Variants in DISC1 observed in about 807,000 individuals in gnomAD.
DISC1 encodes disrupted in schizophrenia 1 protein.
Under a neutral mutation model 84.5 loss-of-function variants are expected in DISC1, and 57 were observed. The observed-to-expected ratio is 0.67, with a 90% CI of 0.55 to 0.84. The LOEUF is 0.84. Among genes scored for constraint, DISC1 ranks in the 40% least tolerant of loss-of-function variants. The pLI, the probability that DISC1 is intolerant of heterozygous loss-of-function variation, is 0.00. For synonymous variants in DISC1, 411 were observed against 415.2 expected, an observed-to-expected ratio of 0.99 and a Z score of 0.12; for missense variants, 1,000 against 1,057.8, an observed-to-expected ratio of 0.95 and a Z score of 0.76.
At chr1:231,745,403 G>T (rs1056396980) in intron 3 of DISC1, 1 of 161,904 alleles carries the variant, frequency 6.2e-6, no homozygotes, top group Admixed American at 6.4e-5. Flanking sequence ...TGTATTTTTA[G>T]TAGAGACGGG....
chr1:231,855,801 G>A (rs1017393618), intron 9 of DISC1, among the ~76,000 whole-genome samples: 1 of 152,096 alleles, frequency 6.6e-6, no homozygotes, highest in Non-Finnish European at 1.5e-5. Context: ...TTGATTCAAA[G>A]TCTGAAAAAA....
intron 3 of DISC1, among the ~76,000 whole-genome samples, chr1:231,737,071 A>ATGAGCAT (rs2072609256): frequency 6.6e-6 from 1 of 152,252 alleles, no homozygotes; most frequent in South Asian, 2.1e-4. Flanking sequence ...AGAATAACAG[A>ATGAGCAT]TGAGCATTGA....
chr1:231,645,518 T>C (rs755147783), intron 1 of DISC1, among the ~76,000 whole-genome samples: 1 of 151,482 alleles, frequency 6.6e-6, no homozygotes, highest in Non-Finnish European at 1.5e-5. Context: ...TTTTTTTTTG[T>C]CTTTTAAAAA....
In DISC1 at chr1:231,773,538, G is replaced by C. The variant is rs1332746629; in HGVS notation, c.1634+2468G>C. On this transcript the variant is annotated intron_variant, in intron 6 of 12. Coordinates refer to ENST00000439617, the MANE Select transcript of DISC1 (RefSeq NM_018662.3). ...TAGCTGGGACTACAGGCTTGTGCCAGCACACCCAGCTAATTTTTTGTATTT... is the reference window on the plus strand; with the variant it reads ...TAGCTGGGACTACAGGCTTGTGCCACCACACCCAGCTAATTTTTTGTATTT... 1.3e-4 allele frequency among the ~76,000 whole-genome samples: 19 copies of C among 151,980 alleles called. No homozygotes were observed. In the East Asian group the frequency reaches 2.6e-3, roughly 21 times the overall value.
At chr1:231,762,808 G>A (rs2075867861) in intron 4 of DISC1, among the ~76,000 whole-genome samples, 1 of 152,114 alleles carries the variant, frequency 6.6e-6, no homozygotes, top group East Asian at 1.9e-4. Flanking sequence ...GGTGGGGTCT[G>A]TATACAGGAG....
At chr1:231,992,806 A>C (rs147467414) in intron 10 of DISC1, among the ~76,000 whole-genome samples, 3 of 152,348 alleles carry the variant, frequency 2.0e-5, no homozygotes, top group Admixed American at 2.0e-4. Context: ...TTCTCATTGT[A>C]GGAGTCCTTT....
At chr1:231,881,835 A>G (rs1047170510) in intron 9 of DISC1, among the ~76,000 whole-genome samples, 3 of 152,244 alleles carry the variant, frequency 2.0e-5, no homozygotes, top group Non-Finnish European at 4.4e-5. Context: ...GAACATGACA[A>G]TAATCATCAC....
At chr1:231,668,544 C>T (rs766401870) in intron 1 of DISC1, among the ~76,000 whole-genome samples, 1 of 152,170 alleles carries the variant, frequency 6.6e-6, no homozygotes, top group South Asian at 2.1e-4. Flanking sequence ...CATTGACTCA[C>T]GTTCTCCTGC....
At chr1:231,911,957 A>G (rs966649661) in intron 9 of DISC1, among the ~76,000 whole-genome samples, 1 of 152,074 alleles carries the variant, frequency 6.6e-6, no homozygotes, top group Admixed American at 6.5e-5. Context: ...CTTCCACTTG[A>G]TCGAATCAGC....
intron 6 of DISC1, among the ~76,000 whole-genome samples, chr1:231,786,773 C>T (rs141654845): frequency 6.6e-6 from 1 of 152,118 alleles, no homozygotes; most frequent in African/African-American, 2.4e-5. Flanking sequence ...AATATCTACA[C>T]CCTTCAAGGT....
At chr1:231,727,137 C>G (rs1212431184) in intron 3 of DISC1, among the ~76,000 whole-genome samples, 1 of 152,104 alleles carries the variant, frequency 6.6e-6, no homozygotes, top group African/African-American at 2.4e-5. Flanking sequence ...GAACATAGCA[C>G]ATGATTATCC....
At chr1:231,748,457 G>T (rs2074251803) in intron 3 of DISC1, among the ~76,000 whole-genome samples, 1 of 152,142 alleles carries the variant, frequency 6.6e-6, no homozygotes, top group Non-Finnish European at 1.5e-5. Context: ...AAGGGATGTT[G>T]AATTTTATCA....
chr1:231,709,965 C>T (rs1302705523), intron 3 of DISC1, among the ~76,000 whole-genome samples: 4 of 152,168 alleles, frequency 2.6e-5, no homozygotes, highest in Non-Finnish European at 4.4e-5. Context: ...CTTAGAGTGG[C>T]TAGGAGGCTG....
intron 3 of DISC1, among the ~76,000 whole-genome samples, chr1:231,708,921 A>G (rs1379032081): frequency 6.6e-6 from 1 of 152,234 alleles, no homozygotes; most frequent in Non-Finnish European, 1.5e-5. Context: ...AACAAATGCT[A>G]ATTAGGAAAT....
intron 2 of DISC1, 139 bp downstream of exon 2, chr1:231,694,944 C>G (rs2065458109): frequency 8.0e-6 from 10 of 1,242,858 alleles, no homozygotes; most frequent in Non-Finnish European, 1.1e-5. Context: ...GAGCCGGCTG[C>G]ACAGGATGTT....
intron 9 of DISC1, among the ~76,000 whole-genome samples, chr1:231,861,452 G>GTTTTTTTT (rs59522401): frequency 1.1e-5 from 1 of 88,966 alleles, no homozygotes; most frequent in Non-Finnish European, 2.2e-5. Flanking sequence ...ATTTTGACAA[G>GTTTTTTTT]TTTTTTTTTT....
In DISC1 at chr1:231,817,490, A is replaced by G. The variant is rs1182042543; in HGVS notation, c.1793-839A>G. ...ATGAATCAATGTGGGGAAAATTGAA[A>G]TCTTACCAATATTGAACTTCCAGTG... On this transcript the variant is annotated intron_variant, in intron 8 of 12. Transcript: ENST00000439617. 2.0e-5 allele frequency among the ~76,000 whole-genome samples: 3 copies of G among 152,338 alleles called. No homozygotes were observed. In the East Asian group the frequency reaches 5.8e-4, roughly 29 times the overall value.
intron 9 of DISC1, among the ~76,000 whole-genome samples, chr1:231,957,514 A>C (rs1360637849): frequency 6.6e-6 from 1 of 152,194 alleles, no homozygotes; most frequent in Admixed American, 6.5e-5. Context: ...CCACTGAGCT[A>C]TCTCACATGC....
rs1205909268 is a variant in DISC1, at chr1:231,814,791, A to C, written c.1793-3538A>C. ...ACAGCCAGTACGCAGATGGTCCTAAAATAGTTTGTACATTGAAACACCAGG... is the reference window on the plus strand; with the variant it reads ...ACAGCCAGTACGCAGATGGTCCTAACATAGTTTGTACATTGAAACACCAGG... On this transcript the variant is annotated intron_variant, in intron 8 of 12. Transcript: ENST00000439617. 2.0e-5 allele frequency among the ~76,000 whole-genome samples: 3 copies of C among 152,094 alleles called. No homozygotes were observed. In the East Asian group the frequency reaches 5.8e-4, roughly 29 times the overall value.
Sources: gnomAD v4.1 joint callset for allele counts (sites outside exome capture counted in the v4.1 genomes callset) on GRCh38, gnomAD v4.1.1 for gene constraint, MANE v1.5 for transcripts, NCBI Gene and HGNC (gene_info 2026-07-23, HGNC 2026-07-21) for gene names.